The following CCDC180 variants were observed in gnomAD, a reference collection of about 807,000 sequenced individuals.
CCDC180 encodes coiled-coil domain containing 180, also known as coiled-coil domain-containing protein 180.
A neutral mutation model predicts 209.2 loss-of-function variants in CCDC180; 154 were observed. That is an observed-to-expected ratio of 0.74 (90% CI 0.65 to 0.84). The LOEUF is 0.84. Ranked by LOEUF, CCDC180 falls within the 40% of genes least tolerant of loss-of-function variation. The probability of loss-of-function intolerance (pLI) is 0.00; values close to 1 mark genes in which losing one functional copy is unlikely to be tolerated. For synonymous variants in CCDC180, 778 were observed against 749.1 expected, an observed-to-expected ratio of 1.04 and a Z score of -0.63; for missense variants, 1,874 against 1,997.3, an observed-to-expected ratio of 0.94 and a Z score of 1.18.
intron 21 of CCDC180, 66 bp from the exon 22 acceptor site, chr9:97,350,343 C>T: frequency 1.4e-6 from 2 of 1,480,444 alleles, no homozygotes; most frequent in Admixed American, 2.0e-5. Context: ...CCATCACCAC[C>T]TGCCCCTCCC....
Position 97,349,365 on chromosome 9 carries a change from GC to G in CCDC180, c.2855+80del, listed in dbSNP as rs935823619. The G allele has an allele frequency of 6.0e-6, 8 of 1,338,150 alleles. No individual in the cohort carries two copies. In the Admixed American group the frequency reaches 1.1e-4, roughly 19 times the overall value. The allele number at this position is 1,338,150 out of a possible 1,614,324, so 82.9% of individuals were successfully genotyped here. ...CAGTTCGGCTGCTGCTTTCAAAGGA[GC>G]CCCCCTCCCTGTAGACACAAAAGCA... On this transcript the variant is annotated intron_variant, in intron 21 of 36. Coordinates refer to ENST00000529487, the MANE Select transcript of CCDC180 (RefSeq NM_020893.6).
At chr9:97,367,720 T>A (rs1458052886) in intron 31 of CCDC180, among the ~76,000 whole-genome samples, 1 of 152,146 alleles carries the variant, frequency 6.6e-6, no homozygotes, top group African/African-American at 2.4e-5. Context: ...ATGGTCTGCC[T>A]GCCTTGGCCT....
intron 18 of CCDC180, among the ~76,000 whole-genome samples, chr9:97,339,637 T>C (rs941030166): frequency 6.6e-6 from 1 of 152,168 alleles, no homozygotes; most frequent in African/African-American, 2.4e-5. Context: ...TTGTGTGTCT[T>C]GGGGTTGTTC....
chr9:97,313,152 T>C, intron 4 of CCDC180, 84 bp from the exon 5 acceptor site: 1 of 841,434 alleles, frequency 1.2e-6, no homozygotes, highest in Non-Finnish European at 2.0e-6. Flanking sequence ...GAGCCAGGCC[T>C]CAGTGTGCAG....
At chr9:97,361,984 A>G (rs1826768251) in intron 27 of CCDC180, 86 bp downstream of exon 27, 3 of 1,485,162 alleles carry the variant, frequency 2.0e-6, no homozygotes, top group Non-Finnish European at 2.7e-6. Flanking sequence ...GGCCCCACAC[A>G]CTGGGGTTCC....
chr9:97,333,503 G>GTTTTTGT (rs1564157871), intron 18 of CCDC180, among the ~76,000 whole-genome samples: 14 of 72,850 alleles, frequency 1.9e-4, no homozygotes, highest in African/African-American at 4.2e-4. Context: ...CTGGGTTTGG[G>GTTTTTGT]TTTTTTTTTT....
chr9:97,323,748 A>G, intron 12 of CCDC180, 33 bp from the exon 13 acceptor site: 1 of 1,543,634 alleles, frequency 6.5e-7, no homozygotes, highest in Non-Finnish European at 8.8e-7. Context: ...CCTCAGTCCT[A>G]AGCCAGGCTC....
At chr9:97,326,914 G>A (rs943397250) in intron 15 of CCDC180, among the ~76,000 whole-genome samples, 1 of 152,116 alleles carries the variant, frequency 6.6e-6, no homozygotes, top group Non-Finnish European at 1.5e-5. Flanking sequence ...AGAACATGGG[G>A]CCTTCTTTTA....
intron 13 of CCDC180, among the ~76,000 whole-genome samples, chr9:97,324,777 A>G (rs1227930331): frequency 1.3e-5 from 2 of 152,150 alleles, no homozygotes; most frequent in Non-Finnish European, 2.9e-5. Context: ...GGAGCACAGG[A>G]TATGTCTAGA....
rs1370563135 is a variant in CCDC180, at chr9:97,324,969, C to A, written c.1372-50C>A. The A allele has an allele frequency of 5.7e-6, 9 of 1,566,454 alleles. No individual in the cohort carries two copies. In the East Asian group the frequency reaches 1.1e-4, roughly 20 times the overall value. ...TCCCACAGGTGGGCCCTCTTCTTGG[C>A]CCTGGGACTGTCAGCCCTTAAGTCC... On this transcript the variant is annotated intron_variant, in intron 13 of 36. Coordinates refer to ENST00000529487, the MANE Select transcript of CCDC180 (RefSeq NM_020893.6).
At chr9:97,321,131 A>T (rs1833344451) in intron 11 of CCDC180, among the ~76,000 whole-genome samples, 1 of 152,162 alleles carries the variant, frequency 6.6e-6, no homozygotes, top group African/African-American at 2.4e-5. Flanking sequence ...CTGTAGGCTA[A>T]TGTATGTTTT....
intron 19 of CCDC180, chr9:97,345,724 C>G: frequency 3.9e-6 from 1 of 254,918 alleles, no homozygotes; most frequent in South Asian, 4.0e-5. Context: ...GCACTCCTGA[C>G]TGGGAGACAG....
At chr9:97,307,434 C>A (rs764947785), upstream of CCDC180, 231 of 581,994 alleles carry the variant, frequency 4.0e-4, no homozygotes, top group Non-Finnish European at 6.8e-4. Flanking sequence ...ATCTACCGGG[C>A]TCAGGGGGAC....
chr9:97,376,060 TATC>T (rs886944261), intron 36 of CCDC180: 1 of 163,648 alleles, frequency 6.1e-6, no homozygotes, highest in Non-Finnish European at 1.3e-5. Flanking sequence ...GTAAAATTAT[TATC>T]ATTTCATTGA....
chr9:97,347,569 T>C lies in CCDC180; in HGVS notation c.2674+80T>C, dbSNP rs1042211588. The C allele has an allele frequency of 9.8e-6, 13 of 1,331,394 alleles. No individual in the cohort carries two copies. In the Admixed American group the frequency reaches 1.1e-4, roughly 11 times the overall value. The allele number at this position is 1,331,394 out of a possible 1,614,324, so 82.5% of individuals were successfully genotyped here. A position where few individuals can be genotyped will look rare whatever the true frequency, so the allele number is the denominator to read the frequency against. ...TGCTCCACCGCGGCTCCATGTTCAT[T>C]AGCTGCCCCAGTTTGTACCATGCAA... On this transcript the variant is annotated intron_variant, in intron 20 of 36. Coordinates refer to ENST00000529487, the MANE Select transcript of CCDC180 (RefSeq NM_020893.6).
At chr9:97,313,371 T>C (rs962217894) in intron 5 of CCDC180, 26 bp downstream of exon 5, 2 of 1,525,068 alleles carry the variant, frequency 1.3e-6, no homozygotes, top group Non-Finnish European at 9.1e-7. Context: ...CTCCCTTCTC[T>C]TCCCTTCCTG....
At chr9:97,319,207 T>C (rs1833276915) in intron 10 of CCDC180, among the ~76,000 whole-genome samples, 1 of 152,068 alleles carries the variant, frequency 6.6e-6, no homozygotes, top group African/African-American at 2.4e-5. Context: ...AATACCTAGG[T>C]GATGGGTTAA....
At chr9:97,371,551 A>G (rs781229876) in intron 33 of CCDC180, 44 bp from the exon 34 acceptor site, 3 of 1,317,348 alleles carry the variant, frequency 2.3e-6, no homozygotes, top group Non-Finnish European at 3.2e-6. Flanking sequence ...CCTTGGAGGG[A>G]TGATCCTCTC....
At chr9:97,362,767 A>G (rs1826801790) in intron 28 of CCDC180, among the ~76,000 whole-genome samples, 1 of 152,184 alleles carries the variant, frequency 6.6e-6, no homozygotes, top group Admixed American at 6.5e-5. Context: ...TGGGGTTGTT[A>G]GACTCAAAGT....
Sources: gnomAD v4.1 joint callset for allele counts (sites outside exome capture counted in the v4.1 genomes callset) on GRCh38, gnomAD v4.1.1 for gene constraint, MANE v1.5 for transcripts, NCBI Gene and HGNC (gene_info 2026-07-23, HGNC 2026-07-21) for gene names.